Variants in LPCAT4 observed in about 807,000 individuals in gnomAD.
The protein encoded by LPCAT4 is lysophospholipid acyltransferase LPCAT4.
Under a neutral mutation model 66.5 loss-of-function variants are expected in LPCAT4, and 30 were observed. That is an observed-to-expected ratio of 0.45 (90% CI 0.34 to 0.61). LPCAT4 has a LOEUF of 0.61. Among genes scored for constraint, LPCAT4 ranks in the 20% least tolerant of loss-of-function variants. The probability of loss-of-function intolerance (pLI) is 0.01; values close to 1 mark genes in which losing one functional copy is unlikely to be tolerated. For synonymous variants in LPCAT4, 253 were observed against 262.1 expected, an observed-to-expected ratio of 0.97 and a Z score of 0.34; for missense variants, 557 against 656.7, an observed-to-expected ratio of 0.85 and a Z score of 1.66.
At chr15:34,364,609 G>A (rs1326657078) in intron 3 of LPCAT4, 9 of 74,174 alleles carry the variant, frequency 1.2e-4, no homozygotes, top group Admixed American at 1.2e-3. Context: ...TTTTTTTTAC[G>A]CCCGGCTACT....
At chr15:34,362,927 T>TTGGGGAA in intron 7 of LPCAT4, 91 bp from the exon 8 acceptor site, 1 of 1,309,904 alleles carries the variant, frequency 7.6e-7, no homozygotes, top group Non-Finnish European at 1.1e-6. Flanking sequence ...CCAACCCAGG[T>TTGGGGAA]GGGGAGTGGG....
chr15:34,363,955 T>C lies in LPCAT4; in HGVS notation c.652+58A>G, dbSNP rs939403666. On this transcript the variant is annotated intron_variant, in intron 5 of 13. Transcript: ENST00000314891. The surrounding 1 kb of genome is among the most constrained non-coding windows in gnomAD (Gnocchi z 4.3). ...ACTTCTTGGGTTATTTCAGAGTCCC[T>C]CCCCAAATCTGGAACTTCTTTTTCC... 10 of 1,550,656 alleles carry C rather than the reference T, an allele frequency of 6.4e-6. No homozygotes were observed. Among genetic ancestry groups the C allele is most frequent in the Admixed American group, 5.1e-5 (3 of 58,576 alleles).
At chr15:34,361,291 A>T in intron 11 of LPCAT4, 109 bp downstream of exon 11, 2 of 1,531,376 alleles carry the variant, frequency 1.3e-6, no homozygotes, top group Non-Finnish European at 1.8e-6. Flanking sequence ...CAGCTGTGAG[A>T]ACATCCACTG....
chr15:34,364,678 T>C lies in LPCAT4; in HGVS notation c.478+330A>G, dbSNP rs1891033687. ...CATGTTGGTCAGGCTGGTCTCGAACTCCCGACCTCAGGTGATCCGCCCGCC... is the reference window on the plus strand; with the variant it reads ...CATGTTGGTCAGGCTGGTCTCGAACCCCCGACCTCAGGTGATCCGCCCGCC... On this transcript the variant is annotated intron_variant, in intron 3 of 13. Coordinates refer to ENST00000314891, the MANE Select transcript of LPCAT4 (RefSeq NM_153613.3). The C allele has an allele frequency of 3.9e-5, 11 of 281,722 alleles. No individual in the cohort carries two copies. In the South Asian group the frequency reaches 6.9e-4, roughly 18 times the overall value. 17.5% of individuals were successfully genotyped at this position (281,722 alleles called of 1,614,324 possible).
chr15:34,364,462 T>G, intron 3 of LPCAT4, 156 bp from the exon 4 acceptor site: 3 of 581,096 alleles, frequency 5.2e-6, no homozygotes, highest in Non-Finnish European at 9.1e-6. Flanking sequence ...TCGCTTTTGT[T>G]GCCCAGGCTG....
Position 34,359,317 on chromosome 15 carries a change from G to C in LPCAT4, c.1400-15C>G. 1 of 1,479,368 alleles carries C rather than the reference G, an allele frequency of 6.8e-7. No individual in the cohort carries two copies. Among genetic ancestry groups the C allele is most frequent in the Non-Finnish European group, 9.0e-7 (1 of 1,115,760 alleles). 91.6% of individuals were successfully genotyped at this position (1,479,368 alleles called of 1,614,324 possible). On this transcript the variant is annotated splice_polypyrimidine_tract_variant and intron_variant, in intron 13 of 13. Coordinates refer to ENST00000314891, the MANE Select transcript of LPCAT4 (RefSeq NM_153613.3). Reference sequence around the variant, plus strand: ...CTGGAACTGACCTGGACAAATAAGAGATGGGGAAAAGTGAAAAGATCTAAG... The same window carrying C: ...CTGGAACTGACCTGGACAAATAAGACATGGGGAAAAGTGAAAAGATCTAAG...
At chr15:34,359,801 T>G in intron 12 of LPCAT4, 56 bp from the exon 13 acceptor site, 1 of 1,531,412 alleles carries the variant, frequency 6.5e-7, no homozygotes, top group Non-Finnish European at 8.8e-7. Context: ...GGCCTCACCC[T>G]GCCCCACAGA....
chr15:34,363,740 C>G lies in LPCAT4; in HGVS notation c.653-21G>C. On this transcript the variant is annotated intron_variant, in intron 5 of 13. Transcript: ENST00000314891. The surrounding 1 kb of genome is among the most constrained non-coding windows in gnomAD (Gnocchi z 4.3). Reference sequence around the variant, plus strand: ...GGCTCCTAAATCCCATTTCCACCCCCACCCCCACAAGGCAGAGGTTAGTAC... The same window carrying G: ...GGCTCCTAAATCCCATTTCCACCCCGACCCCCACAAGGCAGAGGTTAGTAC... 2 of 1,614,110 alleles carry G rather than the reference C, an allele frequency of 1.2e-6. No homozygotes were observed. The highest frequency in any genetic ancestry group is 1.7e-6 in the Non-Finnish European group (2 of 1,179,968).
intron 2 of LPCAT4, 129 bp downstream of exon 2, chr15:34,365,430 T>C (rs1301451758): frequency 1.5e-6 from 2 of 1,352,786 alleles, no homozygotes; most frequent in Non-Finnish European, 2.0e-6. Flanking sequence ...TGAGCTTGGC[T>C]GACTCATCTC....
chr15:34,365,063 A>G lies in LPCAT4; in HGVS notation c.423T>C (p.Cys141=). 1 of 1,614,226 alleles carries G rather than the reference A, an allele frequency of 6.2e-7. No individual in the cohort carries two copies. The highest frequency in any genetic ancestry group is 1.1e-5 in the South Asian group (1 of 91,088). The change falls in exon 3 of 14, where the codon TGT becomes TGC. Residue 141 remains cysteine (C), a synonymous_variant. Coordinates refer to ENST00000314891, the MANE Select transcript of LPCAT4 (RefSeq NM_153613.3). ...CTCGGGACACAACTTTGGGCAGGTC[A>G]CAGGGCAGCAGAACAATGGGGTCAA... ...TFFDPIVLLP[C]DLPKVVSRAE...
rs1595619274 is a variant in LPCAT4 at position 34,362,128 on chromosome 15, C to G, written c.1010+68G>C. Reference sequence around the variant, plus strand: ...ATTTTCCTTCTTCCTTCTCATTTCTCCCCTTCTTATTCTCTCTCTCTCTCT... The same window carrying G: ...ATTTTCCTTCTTCCTTCTCATTTCTGCCCTTCTTATTCTCTCTCTCTCTCT... On this transcript the variant is annotated intron_variant, in intron 10 of 13. Transcript: ENST00000314891. 3.3e-6 allele frequency: 5 copies of G among 1,519,328 alleles called. No individual in the cohort carries two copies. In the African/African-American group the frequency reaches 7.2e-5, roughly 22 times the overall value. 94.1% of individuals were successfully genotyped at this position (1,519,328 alleles called of 1,614,324 possible). A position where few individuals can be genotyped will look rare whatever the true frequency, so the allele number is the denominator to read the frequency against.
chr15:34,367,087 C>G lies in LPCAT4; in HGVS notation c.14G>C (p.Ser5Thr). Reference sequence around the variant, plus strand: ...ATCTAGGGGGGCCCAGTCCCCCGGACTTCCCTGGCTCATGGCGGGAGAAGG... The same window carrying G: ...ATCTAGGGGGGCCCAGTCCCCCGGAGTTCCCTGGCTCATGGCGGGAGAAGG... The part of the protein sequence containing the change: MSQG[S>T]PGDWAPLDPT... The change falls in exon 1 of 14, where the codon AGT (serine) becomes ACT (threonine). Residue 5 changes from serine (S) to threonine (T), a missense_variant. By Grantham distance (58) the Ser-to-Thr change is moderately conservative. Transcript: ENST00000314891. The G allele has an allele frequency of 6.5e-7, 1 of 1,549,780 alleles. No individual in the cohort carries two copies. Among genetic ancestry groups the G allele is most frequent in the East Asian group, 2.4e-5 (1 of 41,714 alleles).
At chr15:34,361,280 A>C in intron 11 of LPCAT4, 120 bp downstream of exon 11, 1 of 1,515,554 alleles carries the variant, frequency 6.6e-7, no homozygotes, top group East Asian at 2.3e-5. Flanking sequence ...CCATCTAACA[A>C]CAGCTGTGAG....
In LPCAT4 at chr15:34,359,100, G is replaced by T. The variant is rs1443445935; in HGVS notation, c.*27C>A. 2 of 1,587,276 alleles carry T rather than the reference G, an allele frequency of 1.3e-6. No homozygotes were observed. The highest frequency in any genetic ancestry group is 1.7e-6 in the Non-Finnish European group (2 of 1,166,900). ...GGGGAGGCCCCTAGCGCTGCCCTGA[G>T]GAGGAGGGGGTGAGAGGCTGAGGCA... On this transcript the variant is annotated 3_prime_UTR_variant, in exon 14 of 14. Coordinates refer to ENST00000314891, the MANE Select transcript of LPCAT4 (RefSeq NM_153613.3).
Position 34,358,985 on chromosome 15 carries a change from C to A in LPCAT4, c.*142G>T. ...AAATAGTTTTTTACAAAAAAATCAACCAAACAAAAAATTAAAATCAACTTA... is the reference window on the plus strand; with the variant it reads ...AAATAGTTTTTTACAAAAAAATCAAACAAACAAAAAATTAAAATCAACTTA... On this transcript the variant is annotated 3_prime_UTR_variant, in exon 14 of 14. Coordinates refer to ENST00000314891, the MANE Select transcript of LPCAT4 (RefSeq NM_153613.3). The A allele has an allele frequency of 1.8e-6, 1 of 565,686 alleles. No homozygotes were observed. 35.0% of individuals were successfully genotyped at this position (565,686 alleles called of 1,614,324 possible).
rs1890881711 is a variant in LPCAT4 at position 34,359,222 on chromosome 15, G to A, written c.1480C>T (p.Arg494Ter). The A allele has an allele frequency of 6.3e-7, 1 of 1,589,434 alleles. No individual in the cohort carries two copies. Among genetic ancestry groups the A allele is most frequent in the Non-Finnish European group, 8.6e-7 (1 of 1,167,422 alleles). ...STYLRPPHTSRGTSQTPNASS... is the reference protein window; with the variant it reads ...STYLRPPHTS ...GCATTTGGTGTCTGGGAGGTGCCTC[G>A]AGAGGTGTGTGGGGGGCGCAGGTAG... The change falls in exon 14 of 14, where the codon CGA (arginine) becomes TGA (stop). Residue 494 changes from arginine (R) to a stop codon, truncating the protein, a stop_gained. Transcript: ENST00000314891. LOFTEE classifies it high-confidence loss of function.
rs535533330 is a variant in LPCAT4, at chr15:34,361,710, T to C, written c.1011-178A>G. 1.2e-4 allele frequency among the ~76,000 whole-genome samples: 18 copies of C among 151,528 alleles called. No homozygotes were observed. The South Asian group carries it at 1.7e-3, about 14-fold the overall frequency. On this transcript the variant is annotated intron_variant, in intron 10 of 13. Coordinates refer to ENST00000314891, the MANE Select transcript of LPCAT4 (RefSeq NM_153613.3). Reference sequence around the variant, plus strand: ...TTCTTACTTTTTTCTTTTCTTTTCTTTTTTTTTTTGACGGAGTCTTGCTCT... The same window carrying C: ...TTCTTACTTTTTTCTTTTCTTTTCTCTTTTTTTTTGACGGAGTCTTGCTCT...
intron 10 of LPCAT4, 136 bp downstream of exon 10, chr15:34,362,056 TTTTA>T: frequency 1.7e-6 from 2 of 1,182,064 alleles, no homozygotes; most frequent in Non-Finnish European, 2.4e-6. Context: ...CCCCACTTCC[TTTTA>T]TTTATTCTAT....
Position 34,359,132 on chromosome 15 carries a change from C to A in LPCAT4, c.1570G>T (p.Asp524Tyr). Residue 524 changes from aspartate to tyrosine, a missense_variant, in exon 14 of 14, where the codon GAC becomes TAC. Asp to Tyr is a radical substitution (Grantham distance 160). This residue lies in a region of LPCAT4 where 392 missense variants were observed against 473.9 expected (regional missense o/e 0.83). Coordinates refer to ENST00000314891, the MANE Select transcript of LPCAT4 (RefSeq NM_153613.3). ...GTVQAPKQKGD is the reference protein window; with the variant it reads ...GTVQAPKQKGY ...GGGGTGAGAGGCTGAGGCACTCAGTCTCCCTTCTGCTTGGGTGCTTGCACA... is the reference window on the plus strand; with the variant it reads ...GGGGTGAGAGGCTGAGGCACTCAGTATCCCTTCTGCTTGGGTGCTTGCACA... 1 of 1,601,632 alleles carries A rather than the reference C, an allele frequency of 6.2e-7. No individual in the cohort carries two copies. Among genetic ancestry groups the A allele is most frequent in the Non-Finnish European group, 8.5e-7 (1 of 1,174,998 alleles).
Sources: allele counts gnomAD v4.1 joint callset (sites outside exome capture counted in the v4.1 genomes callset), GRCh38; gene constraint gnomAD v4.1.1; regional missense constraint gnomAD v4.1.1; non-coding constraint Gnocchi (gnomAD v3.1); transcripts MANE v1.5; gene names NCBI Gene and HGNC (gene_info 2026-07-23, HGNC 2026-07-21).